Variants in TMEM178B observed in about 807,000 individuals in gnomAD.
TMEM178B encodes the protein transmembrane protein 178B.
A neutral mutation model predicts 31.0 loss-of-function variants in TMEM178B; 5 were observed. The observed-to-expected ratio is 0.16, with a 90% CI of 0.08 to 0.34. The LOEUF is 0.34. TMEM178B is among the 10% of genes least tolerant of loss of function. The pLI is 1.00. For synonymous variants in TMEM178B, 164 were observed against 164.0 expected, an observed-to-expected ratio of 1.00 and a Z score of 0.00; for missense variants, 275 against 400.3, an observed-to-expected ratio of 0.69 and a Z score of 2.67.
rs1802385358 is a variant in TMEM178B, at chr7:141,477,063, G to A, written c.*6277G>A. 6.5e-6 allele frequency: 1 copy of A among 155,016 alleles called. No homozygotes were observed. The highest frequency in any genetic ancestry group is 1.9e-4 in the East Asian group (1 of 5,200). The allele number at this position is 155,016 out of a possible 1,614,324, so 9.6% of individuals were successfully genotyped here. On this transcript the variant is annotated 3_prime_UTR_variant, in exon 4 of 4. Coordinates refer to ENST00000565468, the MANE Select transcript of TMEM178B (RefSeq NM_001195278.2). ...ACTCTGTATCCCTCTCTCCTCTCCAGAACCCCATTCCTCCCACTGGCTGAG... is the reference window on the plus strand; with the variant it reads ...ACTCTGTATCCCTCTCTCCTCTCCAAAACCCCATTCCTCCCACTGGCTGAG...
At chr7:141,234,880 A>C (rs1797501965) in intron 2 of TMEM178B, among the ~76,000 whole-genome samples, 1 of 152,198 alleles carries the variant, frequency 6.6e-6, no homozygotes, top group Admixed American at 6.5e-5. Context: ...AAAGGCATTT[A>C]TATTTGGCTT....
At chr7:141,308,404 G>A (rs1236275596) in intron 2 of TMEM178B, among the ~76,000 whole-genome samples, 3 of 152,106 alleles carry the variant, frequency 2.0e-5, no homozygotes, top group Non-Finnish European at 4.4e-5. Flanking sequence ...CCATTTGTGT[G>A]TAATTTTTTT....
chr7:141,295,970 C>T (rs1024224725), intron 2 of TMEM178B, among the ~76,000 whole-genome samples: 8 of 152,136 alleles, frequency 5.3e-5, no homozygotes, highest in African/African-American at 1.9e-4. Context: ...TAACTGACAG[C>T]AGCGCACACA....
intron 1 of TMEM178B, among the ~76,000 whole-genome samples, chr7:141,117,275 G>C (rs1230879111): frequency 2.0e-5 from 3 of 152,122 alleles, no homozygotes; most frequent in Non-Finnish European, 4.4e-5. Context: ...GTGATGATGA[G>C]CTTTTTTTCA....
At chr7:141,174,936 C>A (rs1193842755) in intron 1 of TMEM178B, among the ~76,000 whole-genome samples, 1 of 152,156 alleles carries the variant, frequency 6.6e-6, no homozygotes, top group Non-Finnish European at 1.5e-5. Context: ...ATGATAGTTT[C>A]TTTTGCTGTG....
chr7:141,330,577 A>G (rs1799281449), intron 2 of TMEM178B, among the ~76,000 whole-genome samples: 1 of 152,218 alleles, frequency 6.6e-6, no homozygotes, highest in African/African-American at 2.4e-5. Flanking sequence ...CTTAGAGAGA[A>G]AACACTACCT....
At chr7:141,266,895 A>C (rs1398426407) in intron 2 of TMEM178B, among the ~76,000 whole-genome samples, 1 of 152,222 alleles carries the variant, frequency 6.6e-6, no homozygotes, top group Non-Finnish European at 1.5e-5. Flanking sequence ...ACTACAGTTG[A>C]ATTTTCTGAA....
rs569044599 is a variant in TMEM178B, at chr7:141,171,832, A to G, written c.383-40759A>G. The stretch of plus-strand genomic sequence containing the variant: ...TGCTAGCATTTATCAGGCTCTCAAT[A>G]CACATTTGTGAATGAATGAATGAAT... On this transcript the variant is annotated intron_variant, in intron 1 of 3. Coordinates refer to ENST00000565468, the MANE Select transcript of TMEM178B (RefSeq NM_001195278.2). This position sits in a 1 kb window ranked among gnomAD's most constrained non-coding sequence, Gnocchi z 4.3. Among the ~76,000 whole-genome samples, 858 of 113,540 alleles carry G rather than the reference A, an allele frequency of 7.6e-3. 11 individuals are homozygous for G. Among genetic ancestry groups the G allele is most frequent in the African/African-American group, 0.026 (825 of 31,366 alleles). The allele number at this position is 113,540 out of a possible 152,430, so 74.5% of individuals were successfully genotyped here. A position where few individuals can be genotyped will look rare whatever the true frequency, so the allele number is the denominator to read the frequency against.
the TMEM178B span, among the ~76,000 whole-genome samples, chr7:141,511,235 T>G: frequency 0.082 from 9,222 of 112,466 alleles, 796 homozygotes; most frequent in African/African-American, 0.25. Context: ...TTATATTAAG[T>G]GCTCTGTATA....
At chr7:141,324,442 T>G (rs10251208) in intron 2 of TMEM178B, among the ~76,000 whole-genome samples, 17,480 of 117,794 alleles carry the variant, frequency 0.15, 1,901 homozygotes, top group Non-Finnish European at 0.2. Context: ...TTTTTTTTTT[T>G]TTTTTTTTTT....
At chr7:141,157,459 AC>A (rs751005837) in intron 1 of TMEM178B, among the ~76,000 whole-genome samples, 3 of 152,072 alleles carry the variant, frequency 2.0e-5, no homozygotes, top group Admixed American at 2.0e-4. Flanking sequence ...ACACACGCAC[AC>A]CAGCCAACCA....
chr7:141,160,945 C>T (rs1796159845), intron 1 of TMEM178B, among the ~76,000 whole-genome samples: 1 of 152,154 alleles, frequency 6.6e-6, no homozygotes, highest in African/African-American at 2.4e-5. Context: ...GCAACTTCCA[C>T]CTCCCAGGTT....
At chr7:141,339,584 C>T (rs1799482464) in intron 2 of TMEM178B, among the ~76,000 whole-genome samples, 1 of 152,104 alleles carries the variant, frequency 6.6e-6, no homozygotes, top group Non-Finnish European at 1.5e-5. Context: ...GTGGAAGGTG[C>T]AAATATAAAA....
chr7:141,442,512 T>C (rs1801679896), intron 3 of TMEM178B, among the ~76,000 whole-genome samples: 1 of 152,240 alleles, frequency 6.6e-6, no homozygotes, highest in South Asian at 2.1e-4. Context: ...ATCAGGCTCA[T>C]GCTGCCTCTC....
intron 1 of TMEM178B, among the ~76,000 whole-genome samples, chr7:141,148,928 A>C (rs536962150): frequency 6.4e-4 from 98 of 152,308 alleles, no homozygotes; most frequent in African/African-American, 2.2e-3. Context: ...CTACTAGTGA[A>C]AAGGCCCTCA....
At chr7:141,244,365 G>T (rs1273560541) in intron 2 of TMEM178B, among the ~76,000 whole-genome samples, 1 of 152,192 alleles carries the variant, frequency 6.6e-6, no homozygotes, top group Non-Finnish European at 1.5e-5. Context: ...AGATGACTTA[G>T]GACTAAAATT....
rs5888005 is a variant in TMEM178B, at chr7:141,423,805, G to GTT, written c.497-13783_497-13782dup. ...AGAAGATTTCTATAGTGACATTTGT[G>GTT]TTTTTTTTTTTTTTTTTTTTTGAAA... is the stretch of plus-strand genomic sequence containing the variant. On this transcript the variant is annotated intron_variant, in intron 2 of 3. Coordinates refer to ENST00000565468, the MANE Select transcript of TMEM178B (RefSeq NM_001195278.2). Among the ~76,000 whole-genome samples the GTT allele has an allele frequency of 5.2e-3, 567 of 108,746 alleles. 2 individuals are homozygous for GTT. The highest frequency in any genetic ancestry group is 6.3e-3 in the Non-Finnish European group (345 of 55,152). 71.3% of individuals were successfully genotyped at this position (108,746 alleles called of 152,430 possible). A position where few individuals can be genotyped will look rare whatever the true frequency, so the allele number is the denominator to read the frequency against.
intron 1 of TMEM178B, among the ~76,000 whole-genome samples, chr7:141,191,468 A>C (rs567208741): frequency 6.6e-6 from 1 of 152,224 alleles, no homozygotes; most frequent in African/African-American, 2.4e-5. Flanking sequence ...TTACACTCCA[A>C]CGGCCACTCA....
At chr7:141,397,465 T>G (rs560119102) in intron 2 of TMEM178B, among the ~76,000 whole-genome samples, 8 of 152,258 alleles carry the variant, frequency 5.3e-5, no homozygotes, top group Admixed American at 3.3e-4. Flanking sequence ...GCCTCCAACT[T>G]AGAATGAGCC....
Sources: gnomAD v4.1 joint callset for allele counts (sites outside exome capture counted in the v4.1 genomes callset) on GRCh38, gnomAD v4.1.1 for gene constraint, Gnocchi (gnomAD v3.1) non-coding constraint, MANE v1.5 for transcripts, NCBI Gene and HGNC (gene_info 2026-07-23, HGNC 2026-07-21) for gene names.